Variants in IQGAP1 observed in about 807,000 individuals in gnomAD.
IQGAP1 encodes the protein ras GTPase-activating-like protein IQGAP1.
Under a neutral mutation model 215.6 loss-of-function variants are expected in IQGAP1, and 66 were observed. The ratio of observed to expected loss-of-function variants is 0.31; its 90% CI spans 0.25 to 0.38. The LOEUF is 0.38. Among genes scored for constraint, IQGAP1 ranks in the 10% least tolerant of loss-of-function variants. IQGAP1 has a pLI of 1.00. For synonymous variants in IQGAP1, 772 were observed against 728.7 expected (o/e 1.06, Z -0.96); for missense variants, 1,712 against 1,997.1 (o/e 0.86, Z 2.72).
chr15:90,401,256 T>A (rs530491447), intron 2 of IQGAP1, among the ~76,000 whole-genome samples: 1 of 152,136 alleles, frequency 6.6e-6, no homozygotes, highest in Non-Finnish European at 1.5e-5. Flanking sequence ...AACATATTAA[T>A]GTTTAAGAAA....
At chr15:90,438,240 G>C (rs1965397455) in intron 5 of IQGAP1, among the ~76,000 whole-genome samples, 1 of 152,058 alleles carries the variant, frequency 6.6e-6, no homozygotes, top group African/African-American at 2.4e-5. Flanking sequence ...GCTTTTGTCA[G>C]TATCTGTAAA....
intron 11 of IQGAP1, among the ~76,000 whole-genome samples, chr15:90,451,370 AGGAG>A (rs764318406): frequency 1.3e-5 from 2 of 152,196 alleles, no homozygotes; most frequent in Non-Finnish European, 2.9e-5. Context: ...CAAAATATGA[AGGAG>A]AAGATCAAAG....
intron 30 of IQGAP1, among the ~76,000 whole-genome samples, chr15:90,484,764 C>A (rs1268524931): frequency 2.6e-5 from 4 of 152,114 alleles, no homozygotes; most frequent in African/African-American, 9.7e-5. Flanking sequence ...CCACCTCGGC[C>A]CCCAAAAGTG....
intron 23 of IQGAP1, 110 bp downstream of exon 23, chr15:90,474,803 A>C (rs964027204): frequency 2.5e-6 from 2 of 786,430 alleles, no homozygotes; most frequent in Non-Finnish European, 2.1e-6. Context: ...CTCCTCAGCT[A>C]CTGCCATAAG....
chr15:90,489,332 T>A (rs1408709222), intron 33 of IQGAP1, among the ~76,000 whole-genome samples: 1 of 152,082 alleles, frequency 6.6e-6, no homozygotes, highest in African/African-American at 2.4e-5. Flanking sequence ...TTCACGATGT[T>A]GGCCAGGCTG....
intron 34 of IQGAP1, 44 bp downstream of exon 34, chr15:90,491,589 C>A: frequency 6.6e-7 from 1 of 1,510,756 alleles, no homozygotes; most frequent in Non-Finnish European, 9.2e-7. Flanking sequence ...TTGTTCAAAG[C>A]TGAGAGGCTC....
Position 90,466,103 on chromosome 15 carries a change from C to T in IQGAP1, c.1867+12C>T. The T allele has an allele frequency of 6.2e-7, 1 of 1,612,234 alleles. No individual in the cohort carries two copies. Among genetic ancestry groups the T allele is most frequent in the Non-Finnish European group, 8.5e-7 (1 of 1,178,394 alleles). On this transcript the variant is annotated intron_variant, in intron 16 of 37. Transcript: ENST00000268182. ...AGAAGCACAGAAGTGTATGTATCACCTGTTTTATTTCTGTTTTGGTGGAGG... is the reference window on the plus strand; with the variant it reads ...AGAAGCACAGAAGTGTATGTATCACTTGTTTTATTTCTGTTTTGGTGGAGG...
chr15:90,418,077 A>G (rs1433832938), intron 2 of IQGAP1, among the ~76,000 whole-genome samples: 2 of 152,240 alleles, frequency 1.3e-5, no homozygotes, highest in African/African-American at 4.8e-5. Context: ...CTGTTAAAGC[A>G]TAACTGTTAC....
At position 90,442,460 on chromosome 15, in the gene IQGAP1, A is replaced by T. The variant is rs1335608440; in HGVS notation, c.828+776A>T. 2.6e-5 allele frequency among the ~76,000 whole-genome samples: 4 copies of T among 152,236 alleles called. No homozygotes were observed. In the South Asian group the frequency reaches 6.2e-4, roughly 24 times the overall value. On this transcript the variant is annotated intron_variant, in intron 8 of 37. Transcript: ENST00000268182. ...ACTCCGTCTCGGGGGGGAAAAAAAAAACTTCACACAAATTTATCCACCCCT... is the reference window on the plus strand; with the variant it reads ...ACTCCGTCTCGGGGGGGAAAAAAAATACTTCACACAAATTTATCCACCCCT...
At chr15:90,394,917 A>C (rs1267861531) in intron 2 of IQGAP1, among the ~76,000 whole-genome samples, 3 of 152,200 alleles carry the variant, frequency 2.0e-5, no homozygotes, top group African/African-American at 4.8e-5. Context: ...AGGAGTGTGT[A>C]GAGAGTGAAT....
At chr15:90,495,388 A>T (rs7163560) in intron 36 of IQGAP1, among the ~76,000 whole-genome samples, 28,783 of 152,064 alleles carry the variant, frequency 0.19, 2,842 homozygotes, top group South Asian at 0.23. Flanking sequence ...GGGGGGAAAA[A>T]AAACAACTTT....
intron 33 of IQGAP1, among the ~76,000 whole-genome samples, chr15:90,487,934 A>G (rs1218827989): frequency 2.0e-5 from 3 of 152,140 alleles, no homozygotes; most frequent in Admixed American, 6.5e-5. Flanking sequence ...AAAATGGTGT[A>G]GTATTTGGCC....
At chr15:90,409,259 A>G (rs1223385963) in intron 2 of IQGAP1, among the ~76,000 whole-genome samples, 10 of 123,458 alleles carry the variant, frequency 8.1e-5, no homozygotes, top group African/African-American at 2.8e-4. Flanking sequence ...TTTTTTTTAG[A>G]TAAGGTCTGG....
At chr15:90,497,413 A>C (rs1966287364) in intron 37 of IQGAP1, 73 bp downstream of exon 37, 2 of 776,080 alleles carry the variant, frequency 2.6e-6, no homozygotes, top group Non-Finnish European at 4.5e-6. Flanking sequence ...ATAGATAAAG[A>C]GGAGACTCAT....
Position 90,388,296 on chromosome 15 carries a change from T to C in IQGAP1, c.-46T>C, listed in dbSNP as rs755451090. On this transcript the variant is annotated 5_prime_UTR_variant, in exon 1 of 38. Transcript: ENST00000268182. ...AGCTGTAGCTACCGCCGTCCGCGCC[T>C]CCAAGGTTTCACGGCTTCCTCAGCA... The C allele has an allele frequency of 4.5e-5, 72 of 1,595,496 alleles. No individual in the cohort carries two copies. Among genetic ancestry groups the C allele is most frequent in the Non-Finnish European group, 5.9e-5 (69 of 1,172,110 alleles).
rs1385976549 is a variant in IQGAP1 at position 90,452,858 on chromosome 15, G to A, written c.1246G>A (p.Ala416Thr). 1 of 1,614,092 alleles carries A rather than the reference G, an allele frequency of 6.2e-7. No individual in the cohort carries two copies. Among genetic ancestry groups the A allele is most frequent in the Non-Finnish European group, 8.5e-7 (1 of 1,180,006 alleles). Residue 416 changes from alanine to threonine, a missense_variant, in exon 12 of 38, where the codon GCC becomes ACC. This residue lies in a region of IQGAP1 where 1,021 missense variants were observed against 1,074.2 expected (regional missense o/e 0.95). Transcript: ENST00000268182. ...KTVLELMNPE[A>T]QLPQVYPFAA... ...TGTTTTGGAACTGATGAATCCCGAA[G>A]CCCAGCTGCCCCAGGTGTATCCATT...
At chr15:90,466,562 C>T (rs938742508) in intron 17 of IQGAP1, 126 bp downstream of exon 17, 1 of 853,224 alleles carries the variant, frequency 1.2e-6, no homozygotes, top group Admixed American at 2.7e-5. Flanking sequence ...TACTTAGGCT[C>T]ATTTTAAAGG....
intron 5 of IQGAP1, among the ~76,000 whole-genome samples, chr15:90,437,701 G>C (rs1965389416): frequency 6.6e-6 from 1 of 151,980 alleles, no homozygotes; most frequent in Admixed American, 6.6e-5. Flanking sequence ...ACCATACCTG[G>C]CTAATTAAGA....
intron 2 of IQGAP1, among the ~76,000 whole-genome samples, chr15:90,416,000 C>T (rs1437581228): frequency 6.6e-6 from 1 of 151,938 alleles, no homozygotes; most frequent in Non-Finnish European, 1.5e-5. Flanking sequence ...TTGTATTATG[C>T]TGTTCCTTTT....
Sources: allele counts gnomAD v4.1 joint callset (sites outside exome capture counted in the v4.1 genomes callset), GRCh38; gene constraint gnomAD v4.1.1; regional missense constraint gnomAD v4.1.1; transcripts MANE v1.5; gene names NCBI Gene and HGNC (gene_info 2026-07-23, HGNC 2026-07-21).